Variants in MCTP1 observed in about 807,000 individuals in gnomAD.
The protein encoded by MCTP1 is multiple C2 and transmembrane domain-containing protein 1.
In MCTP1, 69 loss-of-function variants were observed where a neutral mutation model predicts 120.6. That is an observed-to-expected ratio of 0.57 (90% CI 0.47 to 0.70). The LOEUF (loss-of-function observed/expected upper bound fraction) is 0.70. Ranked by LOEUF, MCTP1 falls within the 30% of genes least tolerant of loss-of-function variation. MCTP1 has a pLI of 0.00. For synonymous variants in MCTP1, 529 were observed against 493.1 expected, an observed-to-expected ratio of 1.07 and a Z score of -0.96; for missense variants, 1,203 against 1,248.8, an observed-to-expected ratio of 0.96 and a Z score of 0.55.
intron 19 of MCTP1, among the ~76,000 whole-genome samples, chr5:94,724,073 CAG>C (rs1364525171): frequency 2.0e-5 from 3 of 152,100 alleles, no homozygotes; most frequent in Non-Finnish European, 2.9e-5. Context: ...AAAGTCAAGA[CAG>C]AAACAAAACT....
intron 1 of MCTP1, among the ~76,000 whole-genome samples, chr5:95,044,352 G>A (rs1842822258): frequency 1.3e-5 from 2 of 152,220 alleles, no homozygotes; most frequent in Non-Finnish European, 2.9e-5. Flanking sequence ...GGCAGCAGAG[G>A]AAGAGCAGTT....
intron 2 of MCTP1, among the ~76,000 whole-genome samples, chr5:94,999,170 C>T (rs1581763823): frequency 1.3e-5 from 2 of 152,204 alleles, no homozygotes; most frequent in East Asian, 3.9e-4. Context: ...ATATTTCTTC[C>T]TATAGGCAAA....
intron 10 of MCTP1, among the ~76,000 whole-genome samples, chr5:94,896,164 G>A (rs544780576): frequency 2.0e-5 from 3 of 151,908 alleles, no homozygotes; most frequent in African/African-American, 4.8e-5. Flanking sequence ...ATAATACCTG[G>A]AACAAACTGA....
At chr5:95,034,257 A>T (rs1840836201) in intron 1 of MCTP1, among the ~76,000 whole-genome samples, 1 of 151,960 alleles carries the variant, frequency 6.6e-6, no homozygotes, top group Admixed American at 6.6e-5. Context: ...AAAGAGCCTG[A>T]ATATCCAAAG....
intron 10 of MCTP1, among the ~76,000 whole-genome samples, chr5:94,901,758 T>C (rs1352672018): frequency 6.6e-6 from 1 of 152,200 alleles, no homozygotes; most frequent in Non-Finnish European, 1.5e-5. Context: ...TGCCTTTCCA[T>C]CTGCTGTCTC....
At chr5:95,024,137 C>A in intron 1 of MCTP1, 6 of 428,326 alleles carry the variant, frequency 1.4e-5, no homozygotes, top group Non-Finnish European at 2.4e-5. Context: ...CTTTTGTTGC[C>A]TCTGCTTTTG....
chr5:94,953,836 T>TATATACAACTATATATATGC (rs1561916232), intron 2 of MCTP1, among the ~76,000 whole-genome samples: 471 of 46,100 alleles, frequency 0.01, 85 homozygotes, highest in African/African-American at 0.05. Context: ...TATACATATA[T>TATATACAACTATATATATGC]ATATATACAC....
chr5:95,211,551 T>C (rs1752376880), intron 1 of MCTP1, among the ~76,000 whole-genome samples: 1 of 152,172 alleles, frequency 6.6e-6, no homozygotes, highest in Non-Finnish European at 1.5e-5. Context: ...CTTCTCTGTA[T>C]TGGTTATTCT....
At chr5:95,185,477 T>C (rs887185725) in intron 1 of MCTP1, among the ~76,000 whole-genome samples, 1 of 152,186 alleles carries the variant, frequency 6.6e-6, no homozygotes, top group African/African-American at 2.4e-5. Flanking sequence ...GGATCATTCA[T>C]GGTTTTTTAA....
intron 1 of MCTP1, among the ~76,000 whole-genome samples, chr5:95,050,087 A>G (rs1286702103): frequency 6.6e-6 from 1 of 152,050 alleles, no homozygotes; most frequent in African/African-American, 2.4e-5. Context: ...CACCAAAGAA[A>G]CATCTGGGAA....
chr5:95,159,651 T>C (rs1271072549), intron 1 of MCTP1, among the ~76,000 whole-genome samples: 5 of 152,142 alleles, frequency 3.3e-5, no homozygotes, highest in Non-Finnish European at 7.4e-5. Context: ...ATACCCAGTG[T>C]ATCAGAATTT....
chr5:95,181,194 AG>A (rs1748554872), intron 1 of MCTP1, among the ~76,000 whole-genome samples: 1 of 152,240 alleles, frequency 6.6e-6, no homozygotes, highest in South Asian at 2.1e-4. Flanking sequence ...ACTGTCTGGC[AG>A]CTTCTCATCA....
At chr5:94,708,878 T>C (rs1208129777) in intron 21 of MCTP1, 4 of 279,618 alleles carry the variant, frequency 1.4e-5, no homozygotes, top group African/African-American at 2.2e-5. Context: ...TGGTTTTTTT[T>C]CCCCCTGTGT....
chr5:95,098,761 G>GA (rs1320884783), intron 1 of MCTP1, among the ~76,000 whole-genome samples: 2 of 151,728 alleles, frequency 1.3e-5, no homozygotes, highest in Non-Finnish European at 2.9e-5. Context: ...CACAGAATTG[G>GA]AAAAAACTAC....
At chr5:94,740,192 T>C (rs1232364952) in intron 19 of MCTP1, among the ~76,000 whole-genome samples, 1 of 152,252 alleles carries the variant, frequency 6.6e-6, no homozygotes, top group Non-Finnish European at 1.5e-5. Context: ...ATTGAAAATA[T>C]GATTTGCCAA....
intron 17 of MCTP1, among the ~76,000 whole-genome samples, chr5:94,854,177 C>T (rs1937328169): frequency 6.6e-6 from 1 of 151,760 alleles, no homozygotes; most frequent in African/African-American, 2.4e-5. Context: ...AAACACTAGA[C>T]ATTATGAAAT....
At chr5:94,750,607 A>G (rs1255928895) in intron 19 of MCTP1, among the ~76,000 whole-genome samples, 1 of 152,148 alleles carries the variant, frequency 6.6e-6, no homozygotes. Context: ...AGTATTTCAA[A>G]CAGCAAAACA....
chr5:95,160,329 TAAAC>T (rs1745580503), intron 1 of MCTP1, among the ~76,000 whole-genome samples: 1 of 152,168 alleles, frequency 6.6e-6, no homozygotes, highest in South Asian at 2.1e-4. Context: ...GTCCAGGTGA[TAAAC>T]AGATTACAAA....
At chr5:94,954,110 A>ATG (rs1255743048) in intron 2 of MCTP1, among the ~76,000 whole-genome samples, 2 of 111,984 alleles carry the variant, frequency 1.8e-5, no homozygotes, top group African/African-American at 3.7e-5. Context: ...ATACATATAT[A>ATG]TGAATATATA....
Sources: allele counts gnomAD v4.1 joint callset (sites outside exome capture counted in the v4.1 genomes callset), GRCh38; gene constraint gnomAD v4.1.1; transcripts MANE v1.5; gene names NCBI Gene and HGNC (gene_info 2026-07-23, HGNC 2026-07-21).